Variants in CFTR observed in about 807,000 individuals in gnomAD.
The protein encoded by CFTR is cystic fibrosis transmembrane conductance regulator.
CFTR carries 181 observed loss-of-function variants against 171.6 expected under a neutral mutation model. The ratio of observed to expected loss-of-function variants is 1.05; its 90% CI spans 0.93 to 1.19. The LOEUF (loss-of-function observed/expected upper bound fraction) is 1.19. Ranked by LOEUF, CFTR falls within the 50% of genes most tolerant of loss-of-function variation. CFTR has a pLI of 0.00. For missense variants in CFTR, 1,968 were observed against 1,734.7 expected (o/e 1.13, Z -2.39); for synonymous variants, 583 against 608.0 (o/e 0.96, Z 0.60).
Position 117,488,949 on chromosome 7 carries a change from G to T in CFTR, c.53+8802G>T, listed in dbSNP as rs1798115725. 3.3e-5 allele frequency among the ~76,000 whole-genome samples: 5 copies of T among 152,014 alleles called. No homozygotes were observed. In the South Asian group the frequency reaches 1.0e-3, roughly 31 times the overall value. On this transcript the variant is annotated intron_variant, in intron 1 of 26. Coordinates refer to ENST00000003084, the MANE Select transcript of CFTR (RefSeq NM_000492.4). ...AATACATAAAGGTATATATACTCCT[G>T]TGACCTCAGCTGAATTATTTGCATT...
chr7:117,574,477 A>G (rs1300471074), intron 11 of CFTR, among the ~76,000 whole-genome samples: 1 of 152,098 alleles, frequency 6.6e-6, no homozygotes, highest in African/African-American at 2.4e-5. Flanking sequence ...CAGTCCAGAA[A>G]AGGAGGCCAA....
At chr7:117,593,797 T>C (rs1260892865) in intron 14 of CFTR, among the ~76,000 whole-genome samples, 1 of 152,134 alleles carries the variant, frequency 6.6e-6, no homozygotes, top group Non-Finnish European at 1.5e-5. Context: ...GGTTTCATCA[T>C]GTTGACCAGG....
At chr7:117,628,767 G>A (rs1453015552) in intron 22 of CFTR, among the ~76,000 whole-genome samples, 1 of 152,020 alleles carries the variant, frequency 6.6e-6, no homozygotes, top group Non-Finnish European at 1.5e-5. Flanking sequence ...ATATATATAG[G>A]ATGTGCGAAA....
rs371965244 is a variant in CFTR at position 117,623,026 on chromosome 7, A to G, written c.3469-4496A>G. ...CAGTTTTAAGGATTGACCCCTTCTC[A>G]AGGGGCTCAGAAGAGGTTTTGGAGA... On this transcript the variant is annotated intron_variant, in intron 21 of 26. Transcript: ENST00000003084. Among the ~76,000 whole-genome samples the G allele has an allele frequency of 4.6e-5, 7 of 152,274 alleles. No individual in the cohort carries two copies. In the East Asian group the frequency reaches 1.2e-3, roughly 25 times the overall value.
intron 10 of CFTR, among the ~76,000 whole-genome samples, chr7:117,550,802 A>AGAAGGCTTTGAAG (rs1440463499): frequency 6.6e-6 from 1 of 152,214 alleles, no homozygotes; most frequent in Non-Finnish European, 1.5e-5. Flanking sequence ...GCTTATGAAA[A>AGAAGGCTTTGAAG]GCAGCTATGA....
At chr7:117,653,909 A>G (rs1385355682) in intron 24 of CFTR, among the ~76,000 whole-genome samples, 1 of 152,224 alleles carries the variant, frequency 6.6e-6, no homozygotes, top group Non-Finnish European at 1.5e-5. Context: ...TACTTTCAAA[A>G]TAAAATGGTG....
At position 117,540,134 on chromosome 7, in the gene CFTR, G is replaced by A; in HGVS notation, c.904G>A (p.Val302Met). The change falls in exon 8 of 27, where the codon GTG becomes ATG. Residue 302 changes from valine (V) to methionine (M), a missense_variant. By Grantham distance (21) the Val-to-Met change is conservative. Coordinates refer to ENST00000003084, the MANE Select transcript of CFTR (RefSeq NM_000492.4). ...ELKLTRKAAY[V>M]RYFNSSAFFF... ...GAAACTGACTCGGAAGGCAGCCTAT[G>A]TGAGATACTTCAATAGCTCAGCCTT... The A allele has an allele frequency of 6.2e-7, 1 of 1,613,414 alleles. No homozygotes were observed. The highest frequency in any genetic ancestry group is 2.2e-5 in the East Asian group (1 of 44,876).
chr7:117,558,014 T>C (rs1393822823), intron 10 of CFTR, among the ~76,000 whole-genome samples: 26 of 152,168 alleles, frequency 1.7e-4, no homozygotes, highest in Admixed American at 1.7e-3. Flanking sequence ...GGCATAGCTC[T>C]GTGGCATAAA....
At chr7:117,603,916 C>A in intron 17 of CFTR, 134 bp downstream of exon 17, 1 of 886,202 alleles carries the variant, frequency 1.1e-6, no homozygotes, top group South Asian at 1.3e-5. Context: ...ATTTGACTGG[C>A]ATGCACATGT....
chr7:117,667,240 TTA>T lies in CFTR; in HGVS notation c.*133_*134del. 2 of 862,968 alleles carry T rather than the reference TTA, an allele frequency of 2.3e-6. No individual in the cohort carries two copies. The highest frequency in any genetic ancestry group is 3.8e-6 in the Non-Finnish European group (2 of 524,170). The allele number at this position is 862,968 out of a possible 1,614,324, so 53.5% of individuals were successfully genotyped here. On this transcript the variant is annotated 3_prime_UTR_variant, in exon 27 of 27. Coordinates refer to ENST00000003084, the MANE Select transcript of CFTR (RefSeq NM_000492.4). ...AAACAAGGATGAATTAAGTTTTTTT[TTA>T]AAAAAGAAACATTTGGTAAGGGGAA...
intron 7 of CFTR, among the ~76,000 whole-genome samples, chr7:117,537,751 A>G (rs1215080844): frequency 6.6e-6 from 1 of 152,256 alleles, no homozygotes; most frequent in Non-Finnish European, 1.5e-5. Context: ...AGATAAATCC[A>G]GGAAAGGAAT....
At chr7:117,646,211 C>T (rs1268816527) in intron 23 of CFTR, among the ~76,000 whole-genome samples, 3 of 152,106 alleles carry the variant, frequency 2.0e-5, no homozygotes, top group African/African-American at 7.2e-5. Context: ...TCCTCCCTGG[C>T]ACATAGTAAG....
chr7:117,514,252 T>A (rs1798565575), intron 3 of CFTR, among the ~76,000 whole-genome samples: 1 of 152,064 alleles, frequency 6.6e-6, no homozygotes, highest in East Asian at 1.9e-4. Flanking sequence ...TACATAGGTA[T>A]AATGTGCCAT....
chr7:117,538,437 G>A (rs1195597563), intron 7 of CFTR, among the ~76,000 whole-genome samples: 1 of 151,956 alleles, frequency 6.6e-6, no homozygotes, highest in Non-Finnish European at 1.5e-5. Flanking sequence ...TCTTACAAAT[G>A]TTCTTGGATC....
At position 117,516,195 on chromosome 7, in the gene CFTR, A is replaced by G. The variant is rs539310242; in HGVS notation, c.273+7053A>G. Among the ~76,000 whole-genome samples the G allele has an allele frequency of 4.2e-4, 64 of 152,318 alleles. 1 individual carries two copies. The highest frequency in any genetic ancestry group is 1.9e-3 in the South Asian group (9 of 4,834). ...CATGGTGAAACAAAGTAAAATATATATGATGCACTAAGTATGCATTGTTTC... is the reference window on the plus strand; with the variant it reads ...CATGGTGAAACAAAGTAAAATATATGTGATGCACTAAGTATGCATTGTTTC... On this transcript the variant is annotated intron_variant, in intron 3 of 26. Coordinates refer to ENST00000003084, the MANE Select transcript of CFTR (RefSeq NM_000492.4).
intron 15 of CFTR, among the ~76,000 whole-genome samples, chr7:117,597,317 C>T (rs139181944): frequency 2.1e-3 from 314 of 152,274 alleles, no homozygotes; most frequent in African/African-American, 7.0e-3. Flanking sequence ...AGAACTATAA[C>T]ACTCACTGCA....
chr7:117,642,323 C>A, intron 22 of CFTR, 115 bp from the exon 23 acceptor site: 1 of 1,033,904 alleles, frequency 9.7e-7, no homozygotes. Flanking sequence ...GAAAATCTTC[C>A]ACTGGTGACA....
intron 11 of CFTR, among the ~76,000 whole-genome samples, chr7:117,578,953 T>C (rs1362312743): frequency 6.6e-6 from 1 of 152,084 alleles, no homozygotes; most frequent in African/African-American, 2.4e-5. Flanking sequence ...TCTTTCAAAG[T>C]CATACTTCAA....
At chr7:117,564,012 C>A (rs572188888) in intron 11 of CFTR, among the ~76,000 whole-genome samples, 18 of 152,254 alleles carry the variant, frequency 1.2e-4, no homozygotes, top group African/African-American at 4.3e-4. Flanking sequence ...ATGCTGTTTT[C>A]TTCTCTATGC....
Sources: gnomAD v4.1 joint callset for allele counts (sites outside exome capture counted in the v4.1 genomes callset) on GRCh38, gnomAD v4.1.1 for gene constraint, MANE v1.5 for transcripts, NCBI Gene and HGNC (gene_info 2026-07-23, HGNC 2026-07-21) for gene names.